The following LHX8 variants were observed in gnomAD, a reference collection of about 807,000 sequenced individuals.
LHX8 encodes LIM homeobox 8.
LHX8 carries 12 observed loss-of-function variants against 40.3 expected under a neutral mutation model. The ratio of observed to expected loss-of-function variants is 0.30; its 90% CI spans 0.19 to 0.48. The LOEUF (loss-of-function observed/expected upper bound fraction) is 0.48. Ranked by LOEUF, LHX8 falls within the 20% of genes least tolerant of loss-of-function variation. LHX8 has a pLI of 0.99. For missense variants in LHX8, 344 were observed against 433.7 expected (o/e 0.79, Z 1.84); for synonymous variants, 179 against 162.0 (o/e 1.10, Z -0.80).
chr1:75,179,502 G>GTTTTTTTTTTTTTT, the LHX8 span, among the ~76,000 whole-genome samples: 6 of 108,474 alleles, frequency 5.5e-5, no homozygotes, highest in East Asian at 2.9e-4. Flanking sequence ...AACCCCTGTT[G>GTTTTTTTTTTTTTT]TTTTTTTTTT....
chr1:75,162,043 T>A (rs1435998268), downstream of LHX8, among the ~76,000 whole-genome samples: 1 of 152,070 alleles, frequency 6.6e-6, no homozygotes, highest in African/African-American at 2.4e-5. Flanking sequence ...AAAAAGGTAA[T>A]GAGAAAAAAC....
chr1:75,141,627 A>T (rs570975142), intron 4 of LHX8, among the ~76,000 whole-genome samples: 1 of 152,300 alleles, frequency 6.6e-6, no homozygotes, highest in East Asian at 1.9e-4. Context: ...ACCAAATCTA[A>T]TTCTGCCTCA....
At chr1:75,130,721 A>G (rs1647940263), upstream of LHX8, 3 of 1,614,146 alleles carry the variant, frequency 1.9e-6, no homozygotes, top group Non-Finnish European at 2.5e-6. Flanking sequence ...GGTTATGCAG[A>G]TTCTGAGCAG....
At chr1:75,196,292 A>T in the LHX8 span, among the ~76,000 whole-genome samples, 7 of 151,998 alleles carry the variant, frequency 4.6e-5, no homozygotes, top group Non-Finnish European at 8.8e-5. Flanking sequence ...GATCAATTCC[A>T]GGTGAGAAAA....
chr1:75,180,671 C>A, the LHX8 span, among the ~76,000 whole-genome samples: 17,436 of 152,172 alleles, frequency 0.11, 1,636 homozygotes, highest in African/African-American at 0.25. Context: ...TTATTACCGA[C>A]TTTCTGAAGT....
the LHX8 span, among the ~76,000 whole-genome samples, chr1:75,189,189 G>T: frequency 6.6e-6 from 1 of 152,186 alleles, no homozygotes; most frequent in African/African-American, 2.4e-5. Flanking sequence ...TGCACCATCT[G>T]ACAGACAAAC....
At chr1:75,190,907 T>A in the LHX8 span, among the ~76,000 whole-genome samples, 1 of 152,052 alleles carries the variant, frequency 6.6e-6, no homozygotes, top group Non-Finnish European at 1.5e-5. Flanking sequence ...GTTCAAAGAG[T>A]TTGAGTTTAA....
chr1:75,155,336 T>G (rs376583185), intron 7 of LHX8, among the ~76,000 whole-genome samples: 66 of 141,486 alleles, frequency 4.7e-4, no homozygotes, highest in African/African-American at 7.6e-4. Flanking sequence ...CCAGGTTCAC[T>G]CCATTCTCCT....
intron 7 of LHX8, 35 bp downstream of exon 7, chr1:75,148,717 T>C (rs369502412): frequency 1.0e-5 from 15 of 1,462,516 alleles, no homozygotes; most frequent in Non-Finnish European, 1.4e-5. Flanking sequence ...TTTAAGGTTT[T>C]TAAAAAATAG....
At chr1:75,170,661 C>T in the LHX8 span, among the ~76,000 whole-genome samples, 1 of 152,100 alleles carries the variant, frequency 6.6e-6, no homozygotes, top group Non-Finnish European at 1.5e-5. Flanking sequence ...CAACTGGAGA[C>T]TGGGGAGGTA....
At chr1:75,189,742 A>G in the LHX8 span, among the ~76,000 whole-genome samples, 376 of 152,352 alleles carry the variant, frequency 2.5e-3, 4 homozygotes, top group African/African-American at 8.7e-3. Context: ...TAGTCTATCA[A>G]TCAGGAAAAA....
intron 1 of LHX8, chr1:75,128,651 A>G (rs1482800865): frequency 6.6e-6 from 1 of 152,248 alleles, no homozygotes; most frequent in Non-Finnish European, 1.5e-5. Flanking sequence ...GTTGTGTGCC[A>G]TAACGTCAGT....
At chr1:75,185,319 A>G in the LHX8 span, among the ~76,000 whole-genome samples, 1 of 152,184 alleles carries the variant, frequency 6.6e-6, no homozygotes, top group Admixed American at 6.5e-5. Flanking sequence ...CTTCAGGTCA[A>G]TATTCTTGAT....
Position 75,161,147 on chromosome 1 carries a change from A to G in LHX8, c.*252A>G, listed in dbSNP as rs1351110270. 4.3e-6 allele frequency: 2 copies of G among 464,358 alleles called. No homozygotes were observed. The highest frequency in any genetic ancestry group is 7.8e-6 in the Non-Finnish European group (2 of 256,542). The allele number at this position is 464,358 out of a possible 1,614,324, so 28.8% of individuals were successfully genotyped here. A position where few individuals can be genotyped will look rare whatever the true frequency, so the allele number is the denominator to read the frequency against. On this transcript the variant is annotated 3_prime_UTR_variant, in exon 9 of 9. Transcript: ENST00000356261. The stretch of plus-strand genomic sequence containing the variant: ...TTTTTGTATTGTCTGGAAATAGTTC[A>G]CTCTAGTGTGTATCTGTTAATTTAT...
At chr1:75,164,912 A>C (rs1649000832), downstream of LHX8, among the ~76,000 whole-genome samples, 1 of 152,048 alleles carries the variant, frequency 6.6e-6, no homozygotes, top group African/African-American at 2.4e-5. Flanking sequence ...GGGTTCAAGC[A>C]GTCCTCCCAC....
At chr1:75,130,658 TG>T, upstream of LHX8, 1 of 1,519,662 alleles carries the variant, frequency 6.6e-7, no homozygotes, top group Non-Finnish European at 9.1e-7. Context: ...AAACGGAGTC[TG>T]GGACCGGTAA....
At chr1:75,162,728 T>C (rs1453766498), downstream of LHX8, among the ~76,000 whole-genome samples, 1 of 152,174 alleles carries the variant, frequency 6.6e-6, no homozygotes, top group African/African-American at 2.4e-5. Context: ...AAGAGATAGA[T>C]GTGAAAGTAC....
chr1:75,197,580 T>A, the LHX8 span, among the ~76,000 whole-genome samples: 2 of 152,188 alleles, frequency 1.3e-5, no homozygotes, highest in African/African-American at 4.8e-5. Flanking sequence ...TTCTCTCTAT[T>A]GCGGTCACCA....
the LHX8 span, among the ~76,000 whole-genome samples, chr1:75,177,314 T>C: frequency 6.6e-6 from 1 of 152,222 alleles, no homozygotes; most frequent in Non-Finnish European, 1.5e-5. Flanking sequence ...GAGCATGGAA[T>C]GTTCTTCCAT....
Sources: allele counts gnomAD v4.1 joint callset (sites outside exome capture counted in the v4.1 genomes callset), GRCh38; gene constraint gnomAD v4.1.1; transcripts MANE v1.5; gene names NCBI Gene and HGNC (gene_info 2026-07-23, HGNC 2026-07-21).